The following HMG20A variants were observed in gnomAD, a reference collection of about 807,000 sequenced individuals.
The protein encoded by HMG20A is high mobility group 20A.
A neutral mutation model predicts 43.9 loss-of-function variants in HMG20A; 17 were observed. That is an observed-to-expected ratio of 0.39 (90% CI 0.27 to 0.58). The LOEUF (loss-of-function observed/expected upper bound fraction) is 0.58, where lower values mean the gene tolerates loss of function less well. Among genes scored for constraint, HMG20A ranks in the 20% least tolerant of loss-of-function variants. The pLI, the probability that HMG20A is intolerant of heterozygous loss-of-function variation, is 0.59. For synonymous variants in HMG20A, 132 were observed against 147.5 expected (o/e 0.89, Z 0.76); for missense variants, 341 against 438.2 (o/e 0.78, Z 1.98).
chr15:77,489,704 A>G (rs925567216), downstream of HMG20A, among the ~76,000 whole-genome samples: 2 of 152,216 alleles, frequency 1.3e-5, no homozygotes, highest in African/African-American at 4.8e-5. Flanking sequence ...GAAGAAAGAC[A>G]AAATTGATTT....
intron 2 of HMG20A, 150 bp from the exon 3 acceptor site, chr15:77,464,090 C>T (rs1006924958): frequency 1.5e-5 from 13 of 841,416 alleles, no homozygotes; most frequent in Admixed American, 9.0e-5. Flanking sequence ...CGCCCTGTAA[C>T]GTCTGTGAAT....
At chr15:77,493,435 TAGG>T in the HMG20A span, among the ~76,000 whole-genome samples, 2 of 151,998 alleles carry the variant, frequency 1.3e-5, no homozygotes, top group Non-Finnish European at 2.9e-5. Flanking sequence ...CAGCAAGAGA[TAGG>T]AGAGAGGCCA....
chr15:77,455,714 T>C (rs2072647768), intron 1 of HMG20A, among the ~76,000 whole-genome samples: 1 of 152,180 alleles, frequency 6.6e-6, no homozygotes, highest in East Asian at 1.9e-4. Flanking sequence ...TTAAGTGCTT[T>C]GCATAAAATT....
At chr15:77,482,216 A>G (rs1365858805) in intron 9 of HMG20A, 3 of 152,180 alleles carry the variant, frequency 2.0e-5, no homozygotes, top group African/African-American at 7.2e-5. Context: ...TAGAGCATTA[A>G]GATACATAGG....
intron 4 of HMG20A, among the ~76,000 whole-genome samples, chr15:77,469,385 G>A (rs2072786038): frequency 6.6e-6 from 1 of 151,782 alleles, no homozygotes; most frequent in African/African-American, 2.4e-5. Flanking sequence ...TTACCAGGTA[G>A]CCTTCAGCAT....
intron 4 of HMG20A, among the ~76,000 whole-genome samples, chr15:77,469,771 G>A (rs146731845): frequency 0.22 from 33,495 of 152,062 alleles, 4,145 homozygotes; most frequent in Middle Eastern, 0.3. Context: ...AGGTTCAAGC[G>A]ATTCTCTAGC....
chr15:77,484,210 A>G lies in HMG20A; in HGVS notation c.*1247A>G, dbSNP rs1371864672. The stretch of plus-strand genomic sequence containing the variant: ...CTATTCACAGATGCTATCATAGCAC[A>G]CTACAGCCTACAACTCTTGGGCTCA... On this transcript the variant is annotated 3_prime_UTR_variant, in exon 10 of 10. Transcript: ENST00000336216. 1 of 152,234 alleles carries G rather than the reference A, an allele frequency of 6.6e-6. No individual in the cohort carries two copies. Among genetic ancestry groups the G allele is most frequent in the Non-Finnish European group, 1.5e-5 (1 of 68,070 alleles). The allele number at this position is 152,234 out of a possible 1,614,324, so 9.4% of individuals were successfully genotyped here. A position where few individuals can be genotyped will look rare whatever the true frequency, so the allele number is the denominator to read the frequency against.
downstream of HMG20A, among the ~76,000 whole-genome samples, chr15:77,488,342 A>G (rs902168202): frequency 7.2e-5 from 11 of 152,252 alleles, no homozygotes; most frequent in Non-Finnish European, 1.5e-4. Flanking sequence ...TTTATAAAAC[A>G]TGGTTTCTGC....
chr15:77,457,120 GAAGTGAGAAT>G (rs2072661688), intron 1 of HMG20A, among the ~76,000 whole-genome samples: 1 of 152,184 alleles, frequency 6.6e-6, no homozygotes, highest in African/African-American at 2.4e-5. Flanking sequence ...AATAAACTTA[GAAGTGAGAAT>G]AAGTAAGAAT....
chr15:77,453,600 G>A (rs1451231610), intron 1 of HMG20A, among the ~76,000 whole-genome samples: 1 of 152,154 alleles, frequency 6.6e-6, no homozygotes, highest in Non-Finnish European at 1.5e-5. Flanking sequence ...CTGAAAACAT[G>A]TCCACACAAA....
At chr15:77,451,893 A>G (rs1445224690) in intron 1 of HMG20A, among the ~76,000 whole-genome samples, 1 of 152,224 alleles carries the variant, frequency 6.6e-6, no homozygotes, top group African/African-American at 2.4e-5. Context: ...GGAAAGTTGA[A>G]AATTCCAATA....
At chr15:77,490,553 T>TG (rs2072967067), downstream of HMG20A, among the ~76,000 whole-genome samples, 1 of 152,184 alleles carries the variant, frequency 6.6e-6, no homozygotes, top group African/African-American at 2.4e-5. Flanking sequence ...CTGGGCACAG[T>TG]GGCTTACGCG....
chr15:77,455,059 G>T (rs956355242), intron 1 of HMG20A, among the ~76,000 whole-genome samples: 8 of 151,754 alleles, frequency 5.3e-5, no homozygotes, highest in African/African-American at 1.9e-4. Flanking sequence ...AGTGGGGTTA[G>T]CATGTGTAAA....
At chr15:77,495,074 A>G in the HMG20A span, among the ~76,000 whole-genome samples, 1 of 152,238 alleles carries the variant, frequency 6.6e-6, no homozygotes, top group African/African-American at 2.4e-5. Flanking sequence ...TGAGGCCCCA[A>G]TCCAGTCTGC....
chr15:77,436,921 A>T (rs1402938722), intron 1 of HMG20A, among the ~76,000 whole-genome samples: 1 of 152,044 alleles, frequency 6.6e-6, no homozygotes, highest in Non-Finnish European at 1.5e-5. Context: ...ATGGCCCCAG[A>T]TCTGTTCTGG....
At position 77,467,435 on chromosome 15, in the gene HMG20A, A is replaced by T. The variant is rs2072767186; in HGVS notation, c.450+128A>T. On this transcript the variant is annotated intron_variant, in intron 4 of 9. Coordinates refer to ENST00000336216, the MANE Select transcript of HMG20A (RefSeq NM_001304504.2). ...GTCACAGTGCCTAGGAGACCAGAAT[A>T]GCAGGGTCCATCATAGCAATTTTCT... 5.5e-6 allele frequency: 4 copies of T among 723,088 alleles called. No individual in the cohort carries two copies. In the East Asian group the frequency reaches 1.1e-4, roughly 20 times the overall value. The allele number at this position is 723,088 out of a possible 1,614,324, so 44.8% of individuals were successfully genotyped here.
intron 2 of HMG20A, among the ~76,000 whole-genome samples, chr15:77,459,437 G>A (rs2072685773): frequency 6.6e-6 from 1 of 151,986 alleles, no homozygotes; most frequent in Admixed American, 6.6e-5. Context: ...ACAATAAACA[G>A]GATAAATAAG....
chr15:77,499,628 C>G, the HMG20A span, among the ~76,000 whole-genome samples: 4 of 152,126 alleles, frequency 2.6e-5, no homozygotes, highest in Non-Finnish European at 5.9e-5. Context: ...GCTTTCAGCT[C>G]TCCTGGGGCT....
At chr15:77,454,246 CT>C (rs1332592796) in intron 1 of HMG20A, among the ~76,000 whole-genome samples, 1 of 151,180 alleles carries the variant, frequency 6.6e-6, no homozygotes, top group African/African-American at 2.4e-5. Flanking sequence ...GGATTGTTTG[CT>C]AAAGGATATT....
Sources: gnomAD v4.1 joint callset for allele counts (sites outside exome capture counted in the v4.1 genomes callset) on GRCh38, gnomAD v4.1.1 for gene constraint, MANE v1.5 for transcripts, NCBI Gene and HGNC (gene_info 2026-07-23, HGNC 2026-07-21) for gene names.